MEGF11: variants seen among roughly 807,000 people sequenced by gnomAD.
The protein encoded by MEGF11 is multiple epidermal growth factor-like domains protein 11.
MEGF11 carries 126 observed loss-of-function variants against 146.6 expected under a neutral mutation model. The ratio of observed to expected loss-of-function variants is 0.86; its 90% confidence interval spans 0.74 to 1.00. MEGF11 has a LOEUF of 1.00. MEGF11 is among the 50% of genes least tolerant of loss of function. MEGF11 has a pLI of 0.00. For missense variants in MEGF11, 1,509 were observed against 1,521.2 expected, an observed-to-expected ratio of 0.99 and a Z score of 0.13; for synonymous variants, 532 against 583.4, an observed-to-expected ratio of 0.91 and a Z score of 1.27.
intron 1 of MEGF11, among the ~76,000 whole-genome samples, chr15:66,205,038 A>G (rs1261886082): frequency 1.3e-5 from 2 of 150,564 alleles, no homozygotes; most frequent in East Asian, 3.9e-4. Flanking sequence ...AGACACTAGG[A>G]ACCCAGAAAT....
At chr15:65,908,262 T>C (rs537720942) in intron 23 of MEGF11, among the ~76,000 whole-genome samples, 1 of 152,294 alleles carries the variant, frequency 6.6e-6, no homozygotes, top group East Asian at 1.9e-4. Flanking sequence ...CTTAGAGTTC[T>C]AGAAGCCACC....
intron 5 of MEGF11, among the ~76,000 whole-genome samples, chr15:66,009,890 G>A (rs776259936): frequency 4.6e-5 from 7 of 151,846 alleles, no homozygotes; most frequent in African/African-American, 7.3e-5. Context: ...CACCGTGCCC[G>A]GCCCACATAT....
At chr15:65,962,011 TGTGCATATATCAA>T (rs1295645854) in intron 9 of MEGF11, among the ~76,000 whole-genome samples, 1 of 152,220 alleles carries the variant, frequency 6.6e-6, no homozygotes, top group Non-Finnish European at 1.5e-5. Context: ...GTATATCTTA[TGTGCATATATCAA>T]GTGCCCTTAT....
At chr15:66,037,491 G>A (rs1297516413) in intron 5 of MEGF11, among the ~76,000 whole-genome samples, 3 of 152,304 alleles carry the variant, frequency 2.0e-5, no homozygotes, top group Non-Finnish European at 4.4e-5. Flanking sequence ...TTGCCATGAG[G>A]GCAAAAGCAG....
Position 66,067,408 on chromosome 15 carries a change from A to C in MEGF11, c.394+26994T>G, listed in dbSNP as rs370143084. Reference sequence around the variant, plus strand: ...AGGACAGCCCTGAAAAATCAACATTACTGTTTCCACTTTACAGATGGAGAA... The same window carrying C: ...AGGACAGCCCTGAAAAATCAACATTCCTGTTTCCACTTTACAGATGGAGAA... On this transcript the variant is annotated intron_variant, in intron 5 of 25. Transcript: ENST00000395614. Among the ~76,000 whole-genome samples, 36 of 152,332 alleles carry C rather than the reference A, an allele frequency of 2.4e-4. No individual in the cohort carries two copies. In the East Asian group the frequency reaches 6.0e-3, roughly 25 times the overall value.
chr15:65,927,570 G>T (rs1271041135), intron 13 of MEGF11, among the ~76,000 whole-genome samples: 1 of 152,182 alleles, frequency 6.6e-6, no homozygotes, highest in Non-Finnish European at 1.5e-5. Context: ...TGGTCAGGTT[G>T]GGGTGGGTAT....
At chr15:66,080,525 G>A (rs1044759884) in intron 5 of MEGF11, among the ~76,000 whole-genome samples, 1 of 152,260 alleles carries the variant, frequency 6.6e-6, no homozygotes, top group Admixed American at 6.5e-5. Flanking sequence ...GTTCTTGGAA[G>A]ATGGAGGCTA....
chr15:65,941,901 C>A (rs1419509491), intron 10 of MEGF11, among the ~76,000 whole-genome samples: 2 of 152,224 alleles, frequency 1.3e-5, no homozygotes, highest in African/African-American at 4.8e-5. Flanking sequence ...AGGGCAGACC[C>A]ACACATCCCT....
chr15:66,041,263 G>GTT (rs2083964461), intron 5 of MEGF11, among the ~76,000 whole-genome samples: 1 of 152,204 alleles, frequency 6.6e-6, no homozygotes. Flanking sequence ...GATAAACTGT[G>GTT]TTTATTAAGG....
chr15:66,074,417 C>G (rs1181677198), intron 5 of MEGF11, among the ~76,000 whole-genome samples: 2 of 152,224 alleles, frequency 1.3e-5, no homozygotes, highest in Non-Finnish European at 2.9e-5. Flanking sequence ...ATCCACTTCC[C>G]TCTTGAGGGA....
chr15:66,102,433 CTTTTTTT>C (rs753433380), intron 4 of MEGF11, among the ~76,000 whole-genome samples: 1 of 130,330 alleles, frequency 7.7e-6, no homozygotes, highest in East Asian at 2.2e-4. Context: ...TAAACATTTT[CTTTTTTT>C]TTTTTTTTTT....
At chr15:66,153,269 C>T (rs554223325) in intron 1 of MEGF11, among the ~76,000 whole-genome samples, 17 of 152,304 alleles carry the variant, frequency 1.1e-4, no homozygotes, top group African/African-American at 3.4e-4. Flanking sequence ...GCTTACCCAA[C>T]GCCCATGAAA....
intron 1 of MEGF11, among the ~76,000 whole-genome samples, chr15:66,164,415 G>A (rs2090041791): frequency 6.6e-6 from 1 of 152,186 alleles, no homozygotes; most frequent in Non-Finnish European, 1.5e-5. Context: ...GAATAGGGTA[G>A]TGGAGAGAAT....
chr15:66,151,018 C>T (rs1673177369), intron 1 of MEGF11, among the ~76,000 whole-genome samples: 1 of 152,306 alleles, frequency 6.6e-6, no homozygotes. Context: ...GAAGGAATGT[C>T]AAGGGACAAG....
At position 66,050,614 on chromosome 15, in the gene MEGF11, C is replaced by G. The variant is rs1228395228; in HGVS notation, c.394+43788G>C. Among the ~76,000 whole-genome samples, 7 of 152,282 alleles carry G rather than the reference C, an allele frequency of 4.6e-5. No individual in the cohort carries two copies. In the South Asian group the frequency reaches 1.5e-3, roughly 32 times the overall value. ...TTACCCTGAGTGTGATGGGAGCCAT[C>G]GGAGGCCTGGCATGACCTGACCAAT... On this transcript the variant is annotated intron_variant, in intron 5 of 25. Transcript: ENST00000395614.
At chr15:65,928,582 T>G in intron 12 of MEGF11, 55 bp from the exon 13 acceptor site, 8 of 1,174,126 alleles carry the variant, frequency 6.8e-6, no homozygotes, top group Non-Finnish European at 9.8e-6. Context: ...CAGAGGTTTG[T>G]GTACTTCTAT....
intron 1 of MEGF11, among the ~76,000 whole-genome samples, chr15:66,157,106 A>AGAG (rs10636435): frequency 0.73 from 110,060 of 151,730 alleles, 41,115 homozygotes; most frequent in Admixed American, 0.82. Context: ...TACAGGTTTT[A>AGAG]GAGAATAAAT....
At chr15:66,131,273 A>G (rs1227855974) in intron 1 of MEGF11, among the ~76,000 whole-genome samples, 4 of 152,234 alleles carry the variant, frequency 2.6e-5, no homozygotes, top group Admixed American at 2.6e-4. Context: ...ATGGCCACCC[A>G]TGGGCCATGG....
intron 1 of MEGF11, among the ~76,000 whole-genome samples, chr15:66,233,648 C>G (rs1411400529): frequency 6.6e-6 from 1 of 152,214 alleles, no homozygotes; most frequent in African/African-American, 2.4e-5. Context: ...CAGCCACGCC[C>G]TTTCCCCATT....
Sources: gnomAD v4.1 joint callset for allele counts (sites outside exome capture counted in the v4.1 genomes callset) on GRCh38, gnomAD v4.1.1 for gene constraint, MANE v1.5 for transcripts, NCBI Gene and HGNC (gene_info 2026-07-23, HGNC 2026-07-21) for gene names.